EFNA5: variants seen among roughly 807,000 people sequenced by gnomAD.
The protein encoded by EFNA5 is ephrin-A5.
A neutral mutation model predicts 22.9 loss-of-function variants in EFNA5; 5 were observed. The ratio of observed to expected loss-of-function variants is 0.22; its 90% confidence interval spans 0.11 to 0.46. EFNA5 has a LOEUF of 0.46. Ranked by LOEUF, EFNA5 falls within the 20% of genes least tolerant of loss-of-function variation. The probability of loss-of-function intolerance (pLI) is 0.99; values close to 1 mark genes in which losing one functional copy is unlikely to be tolerated. For missense variants in EFNA5, 237 were observed against 293.3 expected (o/e 0.81, Z 1.40); for synonymous variants, 113 against 112.2 (o/e 1.01, Z -0.04).
At chr5:107,425,494 T>A (rs945044328) in intron 2 of EFNA5, among the ~76,000 whole-genome samples, 1 of 152,216 alleles carries the variant, frequency 6.6e-6, no homozygotes, top group Non-Finnish European at 1.5e-5. Flanking sequence ...ATATGCTGAA[T>A]GAGATTCTTT....
chr5:107,632,910 T>C (rs921415515), intron 1 of EFNA5, among the ~76,000 whole-genome samples: 5 of 152,240 alleles, frequency 3.3e-5, no homozygotes, highest in Admixed American at 6.5e-5. Flanking sequence ...TCCACCAAGA[T>C]TGCATTGTAG....
intron 1 of EFNA5, among the ~76,000 whole-genome samples, chr5:107,488,267 T>G (rs1468179364): frequency 6.6e-6 from 1 of 152,256 alleles, no homozygotes; most frequent in Non-Finnish European, 1.5e-5. Flanking sequence ...ATTGATTGAT[T>G]GATTCATTCA....
intron 1 of EFNA5, among the ~76,000 whole-genome samples, chr5:107,574,004 C>A (rs547234535): frequency 6.6e-6 from 1 of 152,294 alleles, no homozygotes; most frequent in South Asian, 2.1e-4. Flanking sequence ...TTCTATTACA[C>A]CCTAAAGCAC....
At chr5:107,547,540 A>AAT (rs1561428904) in intron 1 of EFNA5, among the ~76,000 whole-genome samples, 2 of 152,054 alleles carry the variant, frequency 1.3e-5, no homozygotes, top group African/African-American at 4.8e-5. Context: ...AAAAAAAAAA[A>AAT]ATACAAGCCT....
intron 1 of EFNA5, among the ~76,000 whole-genome samples, chr5:107,463,019 A>T (rs1272176719): frequency 6.6e-6 from 1 of 151,918 alleles, no homozygotes; most frequent in African/African-American, 2.4e-5. Flanking sequence ...TATGTCATAT[A>T]CTCTCCAGGG....
chr5:107,425,996 C>T (rs1748801137), intron 2 of EFNA5, among the ~76,000 whole-genome samples: 8 of 152,146 alleles, frequency 5.3e-5, no homozygotes, highest in Admixed American at 5.2e-4. Flanking sequence ...TTTCCTGATT[C>T]TTCCAAGCAG....
rs570649256 is a variant in EFNA5, at chr5:107,651,637, C to T, written c.125+18852G>A. On this transcript the variant is annotated intron_variant, in intron 1 of 4. Coordinates refer to ENST00000333274, the MANE Select transcript of EFNA5 (RefSeq NM_001962.3). Reference sequence around the variant, plus strand: ...TTTTCCGTTTTACACATTAGACTTTCGCTAATGATTTTTGTGAACAATGGT... The same window carrying T: ...TTTTCCGTTTTACACATTAGACTTTTGCTAATGATTTTTGTGAACAATGGT... Among the ~76,000 whole-genome samples the T allele has an allele frequency of 4.8e-5, 7 of 147,140 alleles. No individual in the cohort carries two copies. The East Asian group carries it at 1.0e-3, about 21-fold the overall frequency.
At chr5:107,436,432 G>A (rs1380803773) in intron 1 of EFNA5, among the ~76,000 whole-genome samples, 2 of 152,152 alleles carry the variant, frequency 1.3e-5, no homozygotes, top group Admixed American at 6.5e-5. Context: ...AATTAAGCAG[G>A]CAGAGTTCTA....
intron 1 of EFNA5, among the ~76,000 whole-genome samples, chr5:107,606,695 AGAT>A (rs1749732832): frequency 6.6e-6 from 1 of 152,174 alleles, no homozygotes; most frequent in Non-Finnish European, 1.5e-5. Flanking sequence ...CATAAAATCA[AGAT>A]GATAATTCCT....
At position 107,397,090 on chromosome 5, in the gene EFNA5, T is replaced by TA. The variant is rs534189509; in HGVS notation, c.419-9320_419-9319insT. On this transcript the variant is annotated intron_variant, in intron 2 of 4. Coordinates refer to ENST00000333274, the MANE Select transcript of EFNA5 (RefSeq NM_001962.3). ...TGTTCTCACTCCACTCTTTAATTTT[T>TA]TTTTTTGTATACTATTTGGGTTAGC... is the stretch of plus-strand genomic sequence containing the variant. Among the ~76,000 whole-genome samples, 18 of 152,194 alleles carry TA rather than the reference T, an allele frequency of 1.2e-4. 1 individual carries two copies. Among genetic ancestry groups the TA allele is most frequent in the East Asian group, 9.7e-4 (5 of 5,178 alleles).
chr5:107,414,612 G>A (rs1168173303), intron 2 of EFNA5, among the ~76,000 whole-genome samples: 3 of 152,030 alleles, frequency 2.0e-5, no homozygotes, highest in Non-Finnish European at 4.4e-5. Flanking sequence ...ATATAATGAT[G>A]CACAAGTACC....
At chr5:107,517,763 CTT>C (rs1561419982) in intron 1 of EFNA5, among the ~76,000 whole-genome samples, 1 of 152,114 alleles carries the variant, frequency 6.6e-6, no homozygotes, top group African/African-American at 2.4e-5. Context: ...ACGTAAAAGA[CTT>C]TTTCAAAAAT....
intron 1 of EFNA5, 40 bp downstream of exon 1, chr5:107,670,449 G>A (rs955905336): frequency 7.2e-6 from 11 of 1,532,378 alleles, no homozygotes; most frequent in Non-Finnish European, 8.8e-6. Context: ...AGGGCCCCGA[G>A]GCCCGGGTAG....
At chr5:107,580,913 T>C (rs1334749396) in intron 1 of EFNA5, among the ~76,000 whole-genome samples, 1 of 152,180 alleles carries the variant, frequency 6.6e-6, no homozygotes, top group Non-Finnish European at 1.5e-5. Flanking sequence ...AATCAGCATG[T>C]TCCAAAAAAA....
intron 1 of EFNA5, among the ~76,000 whole-genome samples, chr5:107,596,264 T>G (rs1022151400): frequency 6.6e-6 from 1 of 152,224 alleles, no homozygotes. Flanking sequence ...TGAAACTCTA[T>G]GCCCACTGAA....
chr5:107,574,364 A>C (rs1748880669), intron 1 of EFNA5, among the ~76,000 whole-genome samples: 2 of 47,134 alleles, frequency 4.2e-5, no homozygotes, highest in South Asian at 6.7e-4. Context: ...CCTCCCTTGC[A>C]AAAAAAAAAT....
intron 1 of EFNA5, among the ~76,000 whole-genome samples, chr5:107,525,470 T>A (rs1223845077): frequency 1.3e-5 from 2 of 152,194 alleles, no homozygotes; most frequent in African/African-American, 2.4e-5. Flanking sequence ...AACTTCTGAT[T>A]TCTTAAACCT....
intron 1 of EFNA5, among the ~76,000 whole-genome samples, chr5:107,474,828 T>C (rs1750237312): frequency 3.9e-5 from 6 of 152,164 alleles, no homozygotes. Flanking sequence ...TAAGACAACA[T>C]AAATGAATGA....
intron 1 of EFNA5, among the ~76,000 whole-genome samples, chr5:107,666,264 T>A (rs1408220963): frequency 1.3e-5 from 2 of 152,188 alleles, no homozygotes; most frequent in African/African-American, 4.8e-5. Flanking sequence ...AGATTTTTTT[T>A]AAATGGAGCA....
Sources: gnomAD v4.1 joint callset for allele counts (sites outside exome capture counted in the v4.1 genomes callset) on GRCh38, gnomAD v4.1.1 for gene constraint, MANE v1.5 for transcripts, NCBI Gene and HGNC (gene_info 2026-07-23, HGNC 2026-07-21) for gene names.